Variants in REXO1 observed in about 807,000 individuals in gnomAD.
The protein encoded by REXO1 is RNA exonuclease 1 homolog, also known as REX1, RNA exonuclease 1 homolog.
A neutral mutation model predicts 102.6 loss-of-function variants in REXO1; 42 were observed. The ratio of observed to expected loss-of-function variants is 0.41; its 90% CI spans 0.32 to 0.53. The LOEUF is 0.53. Ranked by LOEUF, REXO1 falls within the 20% of genes least tolerant of loss-of-function variation. The pLI, the probability that REXO1 is intolerant of heterozygous loss-of-function variation, is 0.27. For synonymous variants in REXO1, 908 were observed against 779.1 expected (o/e 1.17, Z -2.76); for missense variants, 1,819 against 1,732.5 (o/e 1.05, Z -0.89).
At chr19:1,820,172 C>T in intron 6 of REXO1, 92 bp downstream of exon 6, 1 of 1,560,052 alleles carries the variant, frequency 6.4e-7, no homozygotes. Flanking sequence ...CTCCGGGTCA[C>T]AGCTGCGGCT....
At position 1,828,315 on chromosome 19, in the gene REXO1, T is replaced by A; in HGVS notation, c.474A>T (p.Leu158=). 1 of 1,609,842 alleles carries A rather than the reference T, an allele frequency of 6.2e-7. No individual in the cohort carries two copies. The highest frequency in any genetic ancestry group is 8.5e-7 in the Non-Finnish European group (1 of 1,178,410). Residue 158 remains leucine, a synonymous_variant, in exon 2 of 16, where the codon CTA becomes CTT. Transcript: ENST00000170168. The stretch of plus-strand genomic sequence containing the variant: ...GCTGGTAGCCGGCATCAGGGCTTAA[T>A]AGGCCGTGGCTGCCGGGGCTGTAGT... ...AFDYSPGSHG[L]LSPDAGYQPT...
chr19:1,837,303 C>T (rs1424535906), intron 1 of REXO1, among the ~76,000 whole-genome samples: 4 of 152,190 alleles, frequency 2.6e-5, no homozygotes, highest in Admixed American at 2.6e-4. Context: ...GGCCTCCCCT[C>T]CAACCCTCAC....
At chr19:1,816,856 C>A (rs747419793) in intron 12 of REXO1, 43 bp from the exon 13 acceptor site, 2 of 1,409,780 alleles carry the variant, frequency 1.4e-6, no homozygotes, top group Non-Finnish European at 2.0e-6. Flanking sequence ...CAGGCACCGG[C>A]CTCCCTCCCT....
intron 1 of REXO1, among the ~76,000 whole-genome samples, chr19:1,837,769 T>C (rs1317522804): frequency 3.3e-5 from 5 of 152,136 alleles, no homozygotes; most frequent in Admixed American, 3.3e-4. Flanking sequence ...GACAGCGCAG[T>C]GTGCAGTGCC....
intron 3 of REXO1, 123 bp downstream of exon 3, chr19:1,825,716 T>C: frequency 1.5e-6 from 1 of 653,758 alleles, no homozygotes; most frequent in East Asian, 2.7e-5. Flanking sequence ...CCTCAGGTGA[T>C]CCACCCGCCT....
rs756459036 is a variant in REXO1 at position 1,828,261 on chromosome 19, C to T, written c.528G>A (p.Pro176=). 13 of 1,606,092 alleles carry T rather than the reference C, an allele frequency of 8.1e-6. No homozygotes were observed. The highest frequency in any genetic ancestry group is 4.5e-5 in the East Asian group (2 of 44,740). The change falls in exon 2 of 16, where the codon CCG becomes CCA. Residue 176 remains proline, a synonymous_variant. Coordinates refer to ENST00000170168, the MANE Select transcript of REXO1 (RefSeq NM_020695.4). ...QPTPLAAPAE[P]GSKYSLASLD... ...GGGACGCCAGCGAGTACTTGCTGCC[C>T]GGCTCGGCAGGGGCGGCCAGTGGGG...
intron 1 of REXO1, among the ~76,000 whole-genome samples, chr19:1,844,307 T>C (rs900465208): frequency 3.9e-5 from 6 of 152,154 alleles, no homozygotes; most frequent in African/African-American, 1.4e-4. Flanking sequence ...CCCACTGCTG[T>C]TTGGGGGTCA....
Position 1,828,138 on chromosome 19 carries a change from G to A in REXO1, c.651C>T (p.Pro217=). 1 of 1,612,052 alleles carries A rather than the reference G, an allele frequency of 6.2e-7. No individual in the cohort carries two copies. The highest frequency in any genetic ancestry group is 8.5e-7 in the Non-Finnish European group (1 of 1,179,688). The change falls in exon 2 of 16, where the codon CCC becomes CCT. Residue 217 remains proline (P), a synonymous_variant. Transcript: ENST00000170168. ...AGTTGTCCACCACGTACTTGCCACT[G>A]GGAACGGGGCGGCTGTGCCGCCGGG... The part of the protein sequence containing the change: ...SQPRRHSRPV[P]SGKYVVDNSR...
chr19:1,845,590 G>A (rs1568722913), intron 1 of REXO1, among the ~76,000 whole-genome samples: 1 of 152,218 alleles, frequency 6.6e-6, no homozygotes, highest in Admixed American at 6.5e-5. Flanking sequence ...CTTGAGTCCA[G>A]GAGGTCGAGG....
At chr19:1,837,819 G>T (rs1290688305) in intron 1 of REXO1, among the ~76,000 whole-genome samples, 1 of 152,216 alleles carries the variant, frequency 6.6e-6, no homozygotes, top group Admixed American at 6.5e-5. Flanking sequence ...CAGGGTCCAG[G>T]GGAGAAAAAG....
Position 1,815,786 on chromosome 19 carries a change from G to C in REXO1, c.*280C>G. The C allele has an allele frequency of 6.9e-7, 1 of 1,455,022 alleles. No individual in the cohort carries two copies. Among genetic ancestry groups the C allele is most frequent in the South Asian group, 1.4e-5 (1 of 73,896 alleles). The allele number at this position is 1,455,022 out of a possible 1,614,324, so 90.1% of individuals were successfully genotyped here. A position where few individuals can be genotyped will look rare whatever the true frequency, so the allele number is the denominator to read the frequency against. The stretch of plus-strand genomic sequence containing the variant: ...GCAGGAGGGGCAGGAGGGGCTGCGG[G>C]CCGGGTGGGGGCGGGCTCTGTCCTG... On this transcript the variant is annotated 3_prime_UTR_variant, in exon 16 of 16. Coordinates refer to ENST00000170168, the MANE Select transcript of REXO1 (RefSeq NM_020695.4). The surrounding 1 kb of genome is among the most constrained non-coding windows in gnomAD (Gnocchi z 4.0).
chr19:1,827,025 G>A lies in REXO1; in HGVS notation c.1764C>T (p.Ser588=), dbSNP rs758940002. The change falls in exon 2 of 16, where the codon TCC becomes TCT. Residue 588 remains serine, a synonymous_variant. Transcript: ENST00000170168. ...CATCCGCCCCCGCGCTGGAGGTGGA[G>A]GAGGAGGAGGAGGAGGAGGAGGATG... ...PAPSSSSSSS[S]STSSAGADVD... is the part of the protein sequence containing the mutation. 99 of 1,505,558 alleles carry A rather than the reference G, an allele frequency of 6.6e-5. 1 individual carries two copies. The highest frequency in any genetic ancestry group is 1.4e-5 in the African/African-American group (1 of 69,668). The allele number at this position is 1,505,558 out of a possible 1,614,324, so 93.3% of individuals were successfully genotyped here.
At position 1,848,331 on chromosome 19, in the gene REXO1, C is replaced by T. The variant is rs1245391050; in HGVS notation, c.28G>A (p.Ala10Thr). 7.3e-6 allele frequency: 9 copies of T among 1,226,458 alleles called. No homozygotes were observed. Among genetic ancestry groups the T allele is most frequent in the East Asian group, 3.3e-5 (1 of 30,218 alleles). The allele number at this position is 1,226,458 out of a possible 1,614,324, so 76.0% of individuals were successfully genotyped here. A position where few individuals can be genotyped will look rare whatever the true frequency, so the allele number is the denominator to read the frequency against. The change falls in exon 1 of 16, where the codon GCC (alanine) becomes ACC (threonine). Residue 10 changes from alanine to threonine, a missense_variant. Ala to Thr is a moderately conservative substitution (Grantham distance 58). Transcript: ENST00000170168. ...CCAGACCAATAGGGGCAGTCAATGG[C>T]CCGGAAGAAGCCAGTGGAGCGTAGC... MLRSTGFFR[A>T]IDCPYWSGAP... is the part of the protein sequence containing the mutation.
At position 1,826,656 on chromosome 19, in the gene REXO1, C is replaced by T. The variant is rs575670912; in HGVS notation, c.1911+222G>A. Among the ~76,000 whole-genome samples, 7 of 150,412 alleles carry T rather than the reference C, an allele frequency of 4.7e-5. No homozygotes were observed. Among genetic ancestry groups the T allele is most frequent in the South Asian group, 2.1e-4 (1 of 4,780 alleles). The stretch of plus-strand genomic sequence containing the variant: ...GCCACAGAAGCCTGGCTGGTGGCCA[C>T]GGGCCAGTGACCTCTGGGTGGGTGA... On this transcript the variant is annotated intron_variant, in intron 2 of 15. Transcript: ENST00000170168. This position sits in a 1 kb window ranked among gnomAD's most constrained non-coding sequence, Gnocchi z 4.3.
At chr19:1,821,251 C>A (rs1284382780) in intron 5 of REXO1, among the ~76,000 whole-genome samples, 2 of 150,772 alleles carry the variant, frequency 1.3e-5, no homozygotes, top group Admixed American at 6.6e-5. Context: ...AGGCTGAGGC[C>A]AGAGAATGGC....
intron 3 of REXO1, among the ~76,000 whole-genome samples, chr19:1,824,838 C>T (rs929442224): frequency 1.4e-4 from 22 of 151,978 alleles, no homozygotes; most frequent in Admixed American, 9.2e-4. Flanking sequence ...CAGGCTGGAG[C>T]GCAATGGCAC....
In REXO1 at chr19:1,821,474, C is replaced by T. The variant is rs1310493407; in HGVS notation, c.2394+45G>A. The T allele has an allele frequency of 9.3e-6, 15 of 1,609,638 alleles. No homozygotes were observed. The Middle Eastern group carries it at 5.0e-4, about 54-fold the overall frequency. On this transcript the variant is annotated intron_variant, in intron 5 of 15. Transcript: ENST00000170168. Reference sequence around the variant, plus strand: ...GGTCCCATGTGGCCGGGCCTCAGGGCGTGGTCTTGGGGGTGGTGGTCCTGG... The same window carrying T: ...GGTCCCATGTGGCCGGGCCTCAGGGTGTGGTCTTGGGGGTGGTGGTCCTGG...
chr19:1,831,845 C>CAAAAAAAAA, intron 1 of REXO1, among the ~76,000 whole-genome samples: 1 of 51,320 alleles, frequency 1.9e-5, no homozygotes, highest in Non-Finnish European at 4.1e-5. Context: ...AACTCCATCT[C>CAAAAAAAAA]AAAAAAAAAA....
rs565064377 is a variant in REXO1 at position 1,826,119 on chromosome 19, G to C, written c.1912-176C>G. 5.3e-5 allele frequency among the ~76,000 whole-genome samples: 8 copies of C among 152,246 alleles called. No individual in the cohort carries two copies. The South Asian group carries it at 1.7e-3, about 32-fold the overall frequency. ...TTTGTGTGGGTGCAGTCGGAGGGGT[G>C]GGCAGGTGTCACACGTTCTGCAGAT... On this transcript the variant is annotated intron_variant, in intron 2 of 15. Transcript: ENST00000170168. This position sits in a 1 kb window ranked among gnomAD's most constrained non-coding sequence, Gnocchi z 4.3.
Sources: allele counts gnomAD v4.1 joint callset (sites outside exome capture counted in the v4.1 genomes callset), GRCh38; gene constraint gnomAD v4.1.1; non-coding constraint Gnocchi (gnomAD v3.1); transcripts MANE v1.5; gene names NCBI Gene and HGNC (gene_info 2026-07-23, HGNC 2026-07-21).